EMID1: variants seen among roughly 807,000 people sequenced by gnomAD.
EMID1 encodes EMI domain containing 1.
In EMID1, 40 loss-of-function variants were observed where a neutral mutation model predicts 60.6. The observed-to-expected ratio is 0.66, with a 90% CI of 0.51 to 0.86. The LOEUF (loss-of-function observed/expected upper bound fraction) is 0.86, where lower values mean the gene tolerates loss of function less well. Among genes scored for constraint, EMID1 ranks in the 40% least tolerant of loss-of-function variants. The pLI, the probability that EMID1 is intolerant of heterozygous loss-of-function variation, is 0.00. For synonymous variants in EMID1, 242 were observed against 231.0 expected (o/e 1.05, Z -0.43); for missense variants, 585 against 597.1 (o/e 0.98, Z 0.21).
intron 3 of EMID1, among the ~76,000 whole-genome samples, chr22:29,224,870 T>C (rs1210808382): frequency 6.6e-6 from 1 of 152,062 alleles, no homozygotes; most frequent in East Asian, 1.9e-4. Context: ...ATGAGGCTGG[T>C]TGGGGTCATT....
At position 29,234,459 on chromosome 22, in the gene EMID1, CATTT is replaced by C. The variant is rs1302163558; in HGVS notation, c.1074+115_1074+118del. 2 of 1,279,728 alleles carry C rather than the reference CATTT, an allele frequency of 1.6e-6. 1 individual carries two copies. Among genetic ancestry groups the C allele is most frequent in the South Asian group, 2.9e-5 (2 of 69,508 alleles). 79.3% of individuals were successfully genotyped at this position (1,279,728 alleles called of 1,614,324 possible). On this transcript the variant is annotated intron_variant, in intron 12 of 14. Transcript: ENST00000334018. ...GAGCTTCTAACCCTCCCTGTCTTGTCATTTATTTTCAGATGCTCCCTGTCTCTGA... is the reference window on the plus strand; with the variant it reads ...GAGCTTCTAACCCTCCCTGTCTTGTCATTTTCAGATGCTCCCTGTCTCTGA...
chr22:29,215,447 T>G, intron 2 of EMID1, 80 bp from the exon 3 acceptor site: 1 of 1,443,578 alleles, frequency 6.9e-7, no homozygotes. Context: ...AGCTCTAGGT[T>G]TGTCCCCATG....
chr22:29,240,767 G>A (rs144088997), intron 12 of EMID1, among the ~76,000 whole-genome samples: 379 of 152,306 alleles, frequency 2.5e-3, no homozygotes, highest in African/African-American at 8.7e-3. Flanking sequence ...TAAATAGTGT[G>A]GGCTCCCAGA....
At chr22:29,215,692 T>C (rs1193015838) in intron 3 of EMID1, 62 bp downstream of exon 3, 5 of 1,334,066 alleles carry the variant, frequency 3.7e-6, no homozygotes, top group Non-Finnish European at 5.4e-6. Flanking sequence ...TCCCTGCAGG[T>C]GCATGGAGCC....
intron 5 of EMID1, among the ~76,000 whole-genome samples, chr22:29,228,218 T>C (rs2040601582): frequency 6.7e-6 from 1 of 149,308 alleles, no homozygotes; most frequent in Non-Finnish European, 1.5e-5. Context: ...TCCCAGCTAC[T>C]TGGGAGGCTG....
intron 14 of EMID1, among the ~76,000 whole-genome samples, chr22:29,257,408 G>C (rs2146489143): frequency 1.3e-5 from 2 of 152,344 alleles, no homozygotes; most frequent in South Asian, 4.1e-4. Context: ...AAACTTGCTA[G>C]GTGAGCGATG....
intron 14 of EMID1, among the ~76,000 whole-genome samples, chr22:29,257,778 C>A (rs998626751): frequency 6.6e-6 from 1 of 152,216 alleles, no homozygotes; most frequent in African/African-American, 2.4e-5. Context: ...TTCCAGATGA[C>A]GCTCAGAGGT....
At position 29,232,277 on chromosome 22, in the gene EMID1, G is replaced by T. The variant is rs2040777416; in HGVS notation, c.698G>T (p.Ser233Ile). The change falls in exon 8 of 15, where the codon AGC becomes ATC. Residue 233 changes from serine (S) to isoleucine (I), a missense_variant. Physicochemically the swap from Ser to Ile is moderately radical, Grantham distance 142. Coordinates refer to ENST00000334018, the MANE Select transcript of EMID1 (RefSeq NM_133455.4). The stretch of plus-strand genomic sequence containing the variant: ...GCAGGTCCACAGGGCCCCCCAGGGA[G>T]CCCTGGCCGGGCTGGAGCTGTGGGC... ...GPPGPQGPPG[S>I]PGRAGAVGTP... The T allele has an allele frequency of 6.2e-7, 1 of 1,611,454 alleles. No homozygotes were observed. Among genetic ancestry groups the T allele is most frequent in the South Asian group, 1.1e-5 (1 of 91,030 alleles).
intron 13 of EMID1, among the ~76,000 whole-genome samples, chr22:29,246,358 G>A (rs760696268): frequency 1.3e-5 from 2 of 152,110 alleles, no homozygotes; most frequent in African/African-American, 2.4e-5. Context: ...ATGCGGTCAG[G>A]TTTTTTTTAT....
At chr22:29,226,833 G>T (rs144478812) in intron 5 of EMID1, among the ~76,000 whole-genome samples, 216 of 152,234 alleles carry the variant, frequency 1.4e-3, no homozygotes, top group African/African-American at 5.0e-3. Context: ...AACTGTATAT[G>T]TGAAGCGCAA....
intron 13 of EMID1, among the ~76,000 whole-genome samples, chr22:29,248,764 C>T (rs1278841903): frequency 2.6e-5 from 4 of 152,024 alleles, no homozygotes; most frequent in African/African-American, 4.8e-5. Flanking sequence ...TCGCTTGAGC[C>T]GGGGAAGTCG....
chr22:29,252,044 G>A (rs932458530), intron 13 of EMID1, among the ~76,000 whole-genome samples: 2 of 152,290 alleles, frequency 1.3e-5, no homozygotes, highest in Admixed American at 1.3e-4. Flanking sequence ...CCTAGCCTCA[G>A]GTGATGCTCC....
chr22:29,233,080 G>T (rs541110834), intron 8 of EMID1: 12 of 430,226 alleles, frequency 2.8e-5, no homozygotes, highest in African/African-American at 2.3e-4. Context: ...TGGATAAATG[G>T]TATCTTTTAT....
intron 14 of EMID1, 30 bp from the exon 15 acceptor site, chr22:29,258,787 T>C (rs1035335678): frequency 6.2e-7 from 1 of 1,612,426 alleles, no homozygotes; most frequent in East Asian, 2.2e-5. Context: ...ACCCCTCTAA[T>C]GTGGCCTCTC....
intron 5 of EMID1, among the ~76,000 whole-genome samples, chr22:29,229,696 C>T (rs6006063): frequency 7.5e-4 from 114 of 151,600 alleles, no homozygotes; most frequent in African/African-American, 2.6e-3. Context: ...GAAAACCAAG[C>T]TTCCAAATAG....
chr22:29,256,664 C>T (rs546989821), intron 14 of EMID1, among the ~76,000 whole-genome samples: 28 of 151,948 alleles, frequency 1.8e-4, no homozygotes, highest in East Asian at 1.6e-3. Context: ...ATCGTATCTA[C>T]GGAGATATGG....
intron 12 of EMID1, among the ~76,000 whole-genome samples, chr22:29,235,495 A>G (rs576895054): frequency 6.6e-6 from 1 of 151,210 alleles, no homozygotes; most frequent in South Asian, 2.1e-4. Flanking sequence ...TGTTCTATTT[A>G]TTCCTTCTGT....
chr22:29,215,016 G>A lies in EMID1; in HGVS notation c.192G>A (p.Trp64Ter). ...YLQRVLQNCP[W>*]PMSCPGSSYR... ...AGCGAGTGCTGCAGAACTGCCCCTGGCCCATGAGCTGTCCGGGGAGCAGGT... is the reference window on the plus strand; with the variant it reads ...AGCGAGTGCTGCAGAACTGCCCCTGACCCATGAGCTGTCCGGGGAGCAGGT... The change falls in exon 2 of 15, where the codon TGG (tryptophan) becomes TGA (stop). Residue 64 changes from tryptophan (W) to a stop codon, truncating the protein, a stop_gained. Coordinates refer to ENST00000334018, the MANE Select transcript of EMID1 (RefSeq NM_133455.4). LOFTEE classifies it high-confidence loss of function. 1 of 1,547,062 alleles carries A rather than the reference G, an allele frequency of 6.5e-7. No individual in the cohort carries two copies.
Position 29,238,901 on chromosome 22 carries a change from T to C in EMID1, c.1075-4544T>C, listed in dbSNP as rs1445427131. The stretch of plus-strand genomic sequence containing the variant: ...ATATGATATGCCTACTTGTCATTTC[T>C]TGGCATTTATCCTATATGGTATTCC... On this transcript the variant is annotated intron_variant, in intron 12 of 14. Transcript: ENST00000334018. Among the ~76,000 whole-genome samples, 2 of 144,114 alleles carry C rather than the reference T, an allele frequency of 1.4e-5. 1 individual carries two copies. Among genetic ancestry groups the C allele is most frequent in the Non-Finnish European group, 3.0e-5 (2 of 67,036 alleles). 94.5% of individuals were successfully genotyped at this position (144,114 alleles called of 152,430 possible). A position where few individuals can be genotyped will look rare whatever the true frequency, so the allele number is the denominator to read the frequency against.
Sources: allele counts gnomAD v4.1 joint callset (sites outside exome capture counted in the v4.1 genomes callset), GRCh38; gene constraint gnomAD v4.1.1; transcripts MANE v1.5; gene names NCBI Gene and HGNC (gene_info 2026-07-23, HGNC 2026-07-21).